CSMD1: variants seen among roughly 807,000 people sequenced by gnomAD.
The protein encoded by CSMD1 is CUB and Sushi multiple domains 1, also known as CUB and sushi domain-containing protein 1.
Under a neutral mutation model 417.5 loss-of-function variants are expected in CSMD1, and 213 were observed. The ratio of observed to expected loss-of-function variants is 0.51; its 90% CI spans 0.46 to 0.57. CSMD1 has a LOEUF of 0.57. Among genes scored for constraint, CSMD1 ranks in the 20% least tolerant of loss-of-function variants. The pLI is 0.00. For synonymous variants in CSMD1, 2,862 were observed against 1,736.8 expected, an observed-to-expected ratio of 1.65 and a Z score of -16.11; for missense variants, 6,923 against 4,529.7, an observed-to-expected ratio of 1.53 and a Z score of -15.17.
At chr8:4,454,190 T>C (rs933729043) in intron 2 of CSMD1, among the ~76,000 whole-genome samples, 1 of 152,096 alleles carries the variant, frequency 6.6e-6, no homozygotes, top group Non-Finnish European at 1.5e-5. Context: ...TACCCCATTC[T>C]GCATTAAAAC....
intron 1 of CSMD1, chr8:4,788,641 T>G: frequency 2.7e-6 from 2 of 738,088 alleles, no homozygotes; most frequent in Non-Finnish European, 4.4e-6. Flanking sequence ...CTAATTTAGC[T>G]GAAGGAAAAT....
intron 1 of CSMD1, among the ~76,000 whole-genome samples, chr8:4,732,410 TG>T (rs1809960236): frequency 6.6e-6 from 1 of 151,560 alleles, no homozygotes; most frequent in African/African-American, 2.4e-5. Flanking sequence ...ATTCTCACTC[TG>T]GACATGCAGA....
In CSMD1 at chr8:3,350,052, TATA is replaced by T. The variant is rs1397822004; in HGVS notation, c.3305-1894_3305-1892del. 2.1e-3 allele frequency among the ~76,000 whole-genome samples: 308 copies of T among 144,364 alleles called. 5 individuals carry two copies. The highest frequency in any genetic ancestry group is 7.8e-3 in the African/African-American group (300 of 38,644). The allele number at this position is 144,364 out of a possible 152,430, so 94.7% of individuals were successfully genotyped here. ...GTGTGTTATAATACCTATAATAACC[TATA>T]ATAACTTGTGTATGTGTGTGTTATA... is the stretch of plus-strand genomic sequence containing the variant. On this transcript the variant is annotated intron_variant, in intron 21 of 69. Transcript: ENST00000635120.
At chr8:4,729,236 T>G (rs932295262) in intron 1 of CSMD1, among the ~76,000 whole-genome samples, 1 of 151,978 alleles carries the variant, frequency 6.6e-6, no homozygotes, top group Non-Finnish European at 1.5e-5. Context: ...TCACAGAAAA[T>G]TATGCTGACG....
At chr8:3,492,477 G>A (rs554023766) in intron 11 of CSMD1, among the ~76,000 whole-genome samples, 59 of 152,072 alleles carry the variant, frequency 3.9e-4, no homozygotes, top group African/African-American at 1.4e-3. Context: ...AGACGCTTCT[G>A]GTTTAGTGGT....
At chr8:3,472,636 A>AT (rs1032787656) in intron 11 of CSMD1, among the ~76,000 whole-genome samples, 4 of 151,880 alleles carry the variant, frequency 2.6e-5, no homozygotes, top group African/African-American at 9.7e-5. Context: ...ATGGTGCCAC[A>AT]TTTTTTTCCT....
chr8:3,435,379 C>T (rs1175198197), intron 12 of CSMD1, among the ~76,000 whole-genome samples: 1 of 152,238 alleles, frequency 6.6e-6, no homozygotes, highest in East Asian at 1.9e-4. Flanking sequence ...CCACCCAGTC[C>T]CGCCACCTCT....
intron 50 of CSMD1, among the ~76,000 whole-genome samples, chr8:3,038,148 C>T (rs1053611420): frequency 2.6e-5 from 4 of 152,158 alleles, no homozygotes; most frequent in Non-Finnish European, 5.9e-5. Flanking sequence ...CCAACGCTAT[C>T]GGTAGCCTAA....
At chr8:4,062,934 T>G (rs1563073173) in intron 3 of CSMD1, among the ~76,000 whole-genome samples, 1 of 151,934 alleles carries the variant, frequency 6.6e-6, no homozygotes, top group Non-Finnish European at 1.5e-5. Flanking sequence ...AAAATTCTTC[T>G]ATATAAAAAG....
chr8:4,841,561 C>A (rs1372324406), intron 1 of CSMD1, among the ~76,000 whole-genome samples: 1 of 152,022 alleles, frequency 6.6e-6, no homozygotes, highest in African/African-American at 2.4e-5. Context: ...CAAATACAAA[C>A]CATGAAACCA....
chr8:4,963,622 T>G (rs533074138), intron 1 of CSMD1, among the ~76,000 whole-genome samples: 1 of 152,332 alleles, frequency 6.6e-6, no homozygotes, highest in South Asian at 2.1e-4. Context: ...TCCTGTAACT[T>G]AGATGATCTC....
At chr8:3,460,569 A>T (rs1446597444) in intron 12 of CSMD1, among the ~76,000 whole-genome samples, 1 of 152,182 alleles carries the variant, frequency 6.6e-6, no homozygotes, top group East Asian at 1.9e-4. Context: ...GAGGCCGCCT[A>T]GAGGGGACAC....
At chr8:4,865,692 T>A (rs1802385026) in intron 1 of CSMD1, among the ~76,000 whole-genome samples, 1 of 151,876 alleles carries the variant, frequency 6.6e-6, no homozygotes, top group African/African-American at 2.4e-5. Flanking sequence ...GGTACTTCCA[T>A]CAATCAGATT....
At chr8:3,603,408 G>T (rs1259950368) in intron 8 of CSMD1, among the ~76,000 whole-genome samples, 1 of 152,110 alleles carries the variant, frequency 6.6e-6, no homozygotes, top group Non-Finnish European at 1.5e-5. Context: ...GTCAGGAAAG[G>T]CTTGCGAGCT....
intron 5 of CSMD1, among the ~76,000 whole-genome samples, chr8:3,902,133 A>C (rs1807797522): frequency 6.6e-6 from 1 of 152,202 alleles, no homozygotes; most frequent in African/African-American, 2.4e-5. Context: ...TGACAGAAGT[A>C]ACACAACAAT....
chr8:4,913,934 C>G (rs1298661911), intron 1 of CSMD1, among the ~76,000 whole-genome samples: 1 of 152,146 alleles, frequency 6.6e-6, no homozygotes, highest in East Asian at 1.9e-4. Flanking sequence ...GGAATGTATA[C>G]AAAATAGGGC....
intron 20 of CSMD1, among the ~76,000 whole-genome samples, chr8:3,363,402 T>A (rs1329433704): frequency 6.6e-6 from 1 of 152,168 alleles, no homozygotes; most frequent in Non-Finnish European, 1.5e-5. Flanking sequence ...TTCTCCTGTA[T>A]TATATAGAAG....
intron 12 of CSMD1, among the ~76,000 whole-genome samples, chr8:3,443,434 C>T (rs1053748346): frequency 6.6e-6 from 1 of 152,152 alleles, no homozygotes; most frequent in Non-Finnish European, 1.5e-5. Context: ...ACTGCTTACC[C>T]AATTTGGGAG....
intron 3 of CSMD1, among the ~76,000 whole-genome samples, chr8:4,216,337 C>T (rs530233294): frequency 1.3e-5 from 2 of 152,272 alleles, no homozygotes; most frequent in South Asian, 4.1e-4. Flanking sequence ...GGGATGCTTT[C>T]AGTTCCCTTG....
Sources: gnomAD v4.1 joint callset for allele counts (sites outside exome capture counted in the v4.1 genomes callset) on GRCh38, gnomAD v4.1.1 for gene constraint, MANE v1.5 for transcripts, NCBI Gene and HGNC (gene_info 2026-07-23, HGNC 2026-07-21) for gene names.